NUSAP1: variants seen among roughly 807,000 people sequenced by gnomAD.
NUSAP1 encodes the protein nucleolar and spindle associated protein 1.
In NUSAP1, 32 loss-of-function variants were observed where a neutral mutation model predicts 52.8. The observed-to-expected ratio is 0.61, with a 90% CI of 0.46 to 0.81. The LOEUF is 0.81. NUSAP1 is among the 40% of genes least tolerant of loss of function. The pLI is 0.00. For missense variants in NUSAP1, 499 were observed against 522.3 expected (o/e 0.96, Z 0.43); for synonymous variants, 195 against 183.1 (o/e 1.06, Z -0.52).
intron 1 of NUSAP1, among the ~76,000 whole-genome samples, chr15:41,340,039 C>T (rs2048319547): frequency 6.6e-6 from 1 of 152,150 alleles, no homozygotes; most frequent in South Asian, 2.1e-4. Context: ...TCCCAAAGTG[C>T]TAGGATTACA....
chr15:41,354,460 G>C (rs1472279916), intron 4 of NUSAP1, among the ~76,000 whole-genome samples: 1 of 151,630 alleles, frequency 6.6e-6, no homozygotes, highest in Non-Finnish European at 1.5e-5. Context: ...AGCCAAGATC[G>C]CGCCACTGCA....
chr15:41,377,695 T>C (rs1334476496), intron 10 of NUSAP1, among the ~76,000 whole-genome samples: 2 of 134,852 alleles, frequency 1.5e-5, no homozygotes, highest in African/African-American at 2.9e-5. Flanking sequence ...CCAGGCGCCG[T>C]CTCAAAAAAA....
intron 1 of NUSAP1, among the ~76,000 whole-genome samples, chr15:41,336,999 C>CT (rs201223527): frequency 0.019 from 1,252 of 65,714 alleles, 15 homozygotes; most frequent in African/African-American, 0.032. Context: ...CTTTCCTTTT[C>CT]TTTTTTTTTT....
Position 41,333,063 on chromosome 15 carries a change from C to T in NUSAP1, c.93+13C>T, listed in dbSNP as rs1254543631. ...GGCCAACCTGAGGGTACGGCGCTGG[C>T]GGTGCGGGTCCCTGGGCGGGCGCGG... On this transcript the variant is annotated intron_variant, in intron 1 of 10. Coordinates refer to ENST00000559596, the MANE Select transcript of NUSAP1 (RefSeq NM_016359.5). 4 of 1,599,442 alleles carry T rather than the reference C, an allele frequency of 2.5e-6. No homozygotes were observed. Among genetic ancestry groups the T allele is most frequent in the Non-Finnish European group, 3.4e-6 (4 of 1,171,658 alleles).
intron 10 of NUSAP1, among the ~76,000 whole-genome samples, chr15:41,379,079 G>A (rs938382813): frequency 3.4e-5 from 5 of 145,224 alleles, no homozygotes; most frequent in South Asian, 2.3e-4. Context: ...TCAGCCTCCC[G>A]AGTAGCTGGG....
chr15:41,365,173 G>C (rs892513421), intron 6 of NUSAP1, among the ~76,000 whole-genome samples: 1 of 152,046 alleles, frequency 6.6e-6, no homozygotes, highest in Non-Finnish European at 1.5e-5. Flanking sequence ...TTTGTTTTTT[G>C]TTTTTGTTTT....
At chr15:41,353,393 C>T (rs981035549) in intron 4 of NUSAP1, among the ~76,000 whole-genome samples, 2 of 152,146 alleles carry the variant, frequency 1.3e-5, no homozygotes, top group African/African-American at 2.4e-5. Flanking sequence ...CGGCCCACTT[C>T]GGCCTCCCAA....
At chr15:41,366,647 G>A (rs2049429764) in intron 7 of NUSAP1, among the ~76,000 whole-genome samples, 2 of 152,170 alleles carry the variant, frequency 1.3e-5, no homozygotes, top group South Asian at 4.1e-4. Flanking sequence ...TGATTTCATT[G>A]ACTTGTCTGT....
At chr15:41,341,760 A>C (rs1382995329) in intron 1 of NUSAP1, among the ~76,000 whole-genome samples, 1 of 152,220 alleles carries the variant, frequency 6.6e-6, no homozygotes, top group East Asian at 1.9e-4. Context: ...ACTCATTCTG[A>C]GTAATGCAAA....
At chr15:41,358,833 A>G (rs888829498) in intron 6 of NUSAP1, among the ~76,000 whole-genome samples, 14 of 152,204 alleles carry the variant, frequency 9.2e-5, no homozygotes, top group African/African-American at 1.7e-4. Context: ...TATTACTTTC[A>G]TTGATGATGA....
intron 6 of NUSAP1, among the ~76,000 whole-genome samples, chr15:41,360,448 C>A (rs1241371330): frequency 3.3e-5 from 5 of 152,116 alleles, no homozygotes; most frequent in Admixed American, 2.6e-4. Flanking sequence ...TCCTGAGTAG[C>A]TGGGATTATA....
intron 10 of NUSAP1, 75 bp downstream of exon 10, chr15:41,377,379 A>G (rs967038842): frequency 1.3e-6 from 1 of 761,728 alleles, no homozygotes; most frequent in Non-Finnish European, 2.1e-6. Context: ...GGGGCTCAGT[A>G]ATAGTGGTGT....
intron 6 of NUSAP1, among the ~76,000 whole-genome samples, chr15:41,360,923 GTC>G (rs1313573701): frequency 6.6e-6 from 1 of 150,662 alleles, no homozygotes; most frequent in Non-Finnish European, 1.5e-5. Context: ...GCAAAACCCT[GTC>G]TCTACTAAAA....
intron 2 of NUSAP1, among the ~76,000 whole-genome samples, chr15:41,346,223 G>A (rs925374900): frequency 1.3e-5 from 2 of 151,950 alleles, no homozygotes; most frequent in African/African-American, 4.8e-5. Flanking sequence ...TTATAGGCGT[G>A]AGCCACCACA....
intron 2 of NUSAP1, chr15:41,343,553 C>T (rs2048442554): frequency 6.6e-6 from 1 of 152,254 alleles, no homozygotes; most frequent in African/African-American, 2.4e-5. Flanking sequence ...AGGGTTTCTC[C>T]ATGTTGGTCA....
intron 7 of NUSAP1, among the ~76,000 whole-genome samples, chr15:41,370,998 T>C (rs949845954): frequency 3.3e-5 from 5 of 152,194 alleles, no homozygotes; most frequent in African/African-American, 1.2e-4. Context: ...GATGTTAAAA[T>C]GTAGAAAAAA....
At chr15:41,334,963 A>G (rs554526205) in intron 1 of NUSAP1, among the ~76,000 whole-genome samples, 15 of 152,208 alleles carry the variant, frequency 9.9e-5, no homozygotes, top group Non-Finnish European at 2.1e-4. Flanking sequence ...AAGTAAGAAC[A>G]GAAGAATGTT....
chr15:41,340,295 C>T (rs879938779), intron 1 of NUSAP1, among the ~76,000 whole-genome samples: 1 of 152,102 alleles, frequency 6.6e-6, no homozygotes, highest in Non-Finnish European at 1.5e-5. Context: ...ATTCACATCT[C>T]GGGAGGCCTT....
At chr15:41,371,484 C>G in intron 7 of NUSAP1, 43 bp from the exon 8 acceptor site, 1 of 1,487,106 alleles carries the variant, frequency 6.7e-7, no homozygotes. Context: ...ACAAGTTACT[C>G]TTGCCACAGT....
Sources: gnomAD v4.1 joint callset for allele counts (sites outside exome capture counted in the v4.1 genomes callset) on GRCh38, gnomAD v4.1.1 for gene constraint, MANE v1.5 for transcripts, NCBI Gene and HGNC (gene_info 2026-07-23, HGNC 2026-07-21) for gene names.